The following DENND1A variants were observed in gnomAD, a reference collection of about 807,000 sequenced individuals.
The protein encoded by DENND1A is DENN domain-containing protein 1A.
In DENND1A, 51 loss-of-function variants were observed where a neutral mutation model predicts 113.7. The ratio of observed to expected loss-of-function variants is 0.45; its 90% CI spans 0.36 to 0.57. The LOEUF is 0.57. DENND1A is among the 20% of genes least tolerant of loss of function. The probability of loss-of-function intolerance (pLI) is 0.00; values close to 1 mark genes in which losing one functional copy is unlikely to be tolerated. For synonymous variants in DENND1A, 565 were observed against 570.8 expected (o/e 0.99, Z 0.14); for missense variants, 1,258 against 1,395.9 (o/e 0.90, Z 1.57).
At chr9:123,688,436 G>A (rs2064956673) in intron 5 of DENND1A, among the ~76,000 whole-genome samples, 1 of 152,200 alleles carries the variant, frequency 6.6e-6, no homozygotes, top group Non-Finnish European at 1.5e-5. Context: ...CAGGCACTGA[G>A]TAGAGAGTGG....
At chr9:123,456,378 A>G (rs2048127300) in intron 15 of DENND1A, among the ~76,000 whole-genome samples, 1 of 151,396 alleles carries the variant, frequency 6.6e-6, no homozygotes, top group Admixed American at 6.6e-5. Context: ...AAAGAAGGTC[A>G]GACTGGGATT....
intron 13 of DENND1A, among the ~76,000 whole-genome samples, chr9:123,479,558 G>A (rs1406205615): frequency 6.6e-6 from 1 of 152,246 alleles, no homozygotes; most frequent in African/African-American, 2.4e-5. Context: ...GAGGTCTGAA[G>A]TGACAGGTTG....
intron 13 of DENND1A, among the ~76,000 whole-genome samples, chr9:123,507,246 T>C (rs777413555): frequency 5.9e-5 from 9 of 152,184 alleles, no homozygotes; most frequent in Non-Finnish European, 8.8e-5. Flanking sequence ...CGGGTAACTG[T>C]GCTAAGAGGA....
chr9:123,552,859 T>G (rs1419564150), intron 13 of DENND1A, among the ~76,000 whole-genome samples: 1 of 152,264 alleles, frequency 6.6e-6, no homozygotes, highest in Non-Finnish European at 1.5e-5. Context: ...AGTAAATCCA[T>G]GTCAAGGAAT....
chr9:123,451,848 G>T (rs2047740397), intron 17 of DENND1A, among the ~76,000 whole-genome samples: 1 of 152,172 alleles, frequency 6.6e-6, no homozygotes, highest in South Asian at 2.1e-4. Flanking sequence ...AGACCTTCAG[G>T]AAAGAGCTCA....
intron 19 of DENND1A, chr9:123,414,394 T>TA: frequency 7.0e-7 from 1 of 1,430,574 alleles, no homozygotes; most frequent in Admixed American, 3.0e-5. Flanking sequence ...AGAGAGGACT[T>TA]AAAAAAATGT....
At chr9:123,773,855 G>A (rs1830085034) in intron 3 of DENND1A, among the ~76,000 whole-genome samples, 1 of 152,090 alleles carries the variant, frequency 6.6e-6, no homozygotes, top group Admixed American at 6.6e-5. Flanking sequence ...ATAGTTCAAA[G>A]GGAAAAACAT....
chr9:123,873,079 T>C (rs959058887), intron 2 of DENND1A, among the ~76,000 whole-genome samples: 2 of 152,192 alleles, frequency 1.3e-5, no homozygotes, highest in African/African-American at 2.4e-5. Context: ...AGATTCTTTG[T>C]AATCATCTAA....
At chr9:123,712,936 C>T (rs1371229983) in intron 5 of DENND1A, among the ~76,000 whole-genome samples, 3 of 152,126 alleles carry the variant, frequency 2.0e-5, no homozygotes, top group Non-Finnish European at 4.4e-5. Context: ...TGGACAAAGG[C>T]GAATGTCCCC....
chr9:123,514,065 G>GGTGTGTGTGT (rs775882728), intron 13 of DENND1A, among the ~76,000 whole-genome samples: 2,759 of 109,232 alleles, frequency 0.025, 80 homozygotes, highest in African/African-American at 0.067. Flanking sequence ...TCTATTTTGA[G>GGTGTGTGTGT]GTGTGTGTGT....
chr9:123,677,225 C>T (rs138944912), intron 5 of DENND1A, among the ~76,000 whole-genome samples: 115 of 152,254 alleles, frequency 7.6e-4, no homozygotes, highest in African/African-American at 2.8e-3. Context: ...GCAAAGGGTC[C>T]CAATGCCCCC....
At chr9:123,569,898 C>T (rs976170000) in intron 12 of DENND1A, among the ~76,000 whole-genome samples, 12 of 152,174 alleles carry the variant, frequency 7.9e-5, no homozygotes, top group African/African-American at 2.2e-4. Context: ...CACATCATTC[C>T]CTGGCTTAAT....
intron 13 of DENND1A, among the ~76,000 whole-genome samples, chr9:123,537,995 T>C (rs1180278855): frequency 6.6e-6 from 1 of 152,202 alleles, no homozygotes; most frequent in African/African-American, 2.4e-5. Flanking sequence ...CCCTGAAGAC[T>C]GAGAGGGAGA....
chr9:123,459,576 C>T (rs894036848), intron 13 of DENND1A, among the ~76,000 whole-genome samples: 2 of 151,982 alleles, frequency 1.3e-5, no homozygotes, highest in Non-Finnish European at 2.9e-5. Flanking sequence ...GAGCTAACAC[C>T]TCACTTTTTC....
rs1588352890 is a variant in DENND1A, at chr9:123,403,383, G to C, written c.1631+19C>G. The C allele has an allele frequency of 1.9e-6, 3 of 1,613,094 alleles. No homozygotes were observed. The highest frequency in any genetic ancestry group is 2.2e-5 in the East Asian group (1 of 44,864). ...GACACAGGGTTCTTACAGACAGAGGGGAGAGGCACAATACTCACTGCTCAG... is the reference window on the plus strand; with the variant it reads ...GACACAGGGTTCTTACAGACAGAGGCGAGAGGCACAATACTCACTGCTCAG... On this transcript the variant is annotated intron_variant, in intron 21 of 23. Coordinates refer to ENST00000394215, the MANE Select transcript of DENND1A (RefSeq NM_001352964.2).
chr9:123,597,828 A>C (rs186206809), intron 11 of DENND1A, among the ~76,000 whole-genome samples: 2 of 152,094 alleles, frequency 1.3e-5, no homozygotes, highest in Admixed American at 1.3e-4. Flanking sequence ...ATGAACCCCA[A>C]CTTCCCAATC....
rs370482310 is a variant in DENND1A, at chr9:123,589,507, T to C, written c.766-6237A>G. Among the ~76,000 whole-genome samples, 94 of 150,932 alleles carry C rather than the reference T, an allele frequency of 6.2e-4. 1 individual carries two copies. In the South Asian group the frequency reaches 0.016, roughly 25 times the overall value. On this transcript the variant is annotated intron_variant, in intron 11 of 23. Coordinates refer to ENST00000394215, the MANE Select transcript of DENND1A (RefSeq NM_001352964.2). ...CCTACCCAATTAAAACACTTACTAG[T>C]ACTGCGGCACACCGAGACAGCTCTC...
chr9:123,782,549 G>A (rs1378241933), intron 3 of DENND1A, among the ~76,000 whole-genome samples: 1 of 152,178 alleles, frequency 6.6e-6, no homozygotes, highest in African/African-American at 2.4e-5. Flanking sequence ...ATCTGGACAC[G>A]AAGCCGGCAA....
chr9:123,749,460 C>G (rs1002600243), intron 5 of DENND1A, among the ~76,000 whole-genome samples: 19 of 152,162 alleles, frequency 1.2e-4, no homozygotes, highest in Admixed American at 9.8e-4. Context: ...AAACCAGATT[C>G]CTTAACTTTC....
Sources: allele counts gnomAD v4.1 joint callset (sites outside exome capture counted in the v4.1 genomes callset), GRCh38; gene constraint gnomAD v4.1.1; transcripts MANE v1.5; gene names NCBI Gene and HGNC (gene_info 2026-07-23, HGNC 2026-07-21).